Variants in GRID2 observed in about 807,000 individuals in gnomAD.
The protein encoded by GRID2 is glutamate ionotropic receptor delta type subunit 2, also known as glutamate receptor ionotropic, delta-2.
Under a neutral mutation model 114.8 loss-of-function variants are expected in GRID2, and 33 were observed. The ratio of observed to expected loss-of-function variants is 0.29; its 90% confidence interval spans 0.22 to 0.38. The LOEUF is 0.38. Among genes scored for constraint, GRID2 ranks in the 10% least tolerant of loss-of-function variants. GRID2 has a pLI of 1.00. For synonymous variants in GRID2, 505 were observed against 449.9 expected (o/e 1.12, Z -1.55); for missense variants, 1,184 against 1,257.7 (o/e 0.94, Z 0.89).
intron 14 of GRID2, among the ~76,000 whole-genome samples, chr4:93,738,684 A>T (rs1386049320): frequency 6.6e-6 from 1 of 152,120 alleles, no homozygotes; most frequent in Non-Finnish European, 1.5e-5. Context: ...ACACTTGGAG[A>T]AGGAGAGCAA....
chr4:92,894,845 T>C (rs1027610581), intron 2 of GRID2, among the ~76,000 whole-genome samples: 5 of 152,068 alleles, frequency 3.3e-5, no homozygotes, highest in Non-Finnish European at 5.9e-5. Context: ...CTTCTTCCAC[T>C]ATTAATCCTT....
At chr4:92,903,646 A>G (rs902898324) in intron 2 of GRID2, among the ~76,000 whole-genome samples, 1 of 151,928 alleles carries the variant, frequency 6.6e-6, no homozygotes, top group African/African-American at 2.4e-5. Context: ...TTTTAATGGG[A>G]ATAATTTATT....
At chr4:92,351,256 T>C (rs1180017235) in intron 1 of GRID2, among the ~76,000 whole-genome samples, 2 of 151,890 alleles carry the variant, frequency 1.3e-5, no homozygotes, top group Non-Finnish European at 2.9e-5. Flanking sequence ...TGCCAAACTC[T>C]TTTCCAAAAC....
chr4:92,617,733 T>G (rs1730071124), intron 2 of GRID2, among the ~76,000 whole-genome samples: 1 of 151,812 alleles, frequency 6.6e-6, no homozygotes. Flanking sequence ...CATTATGGTT[T>G]TCATTTTAAT....
chr4:92,955,324 G>C (rs1752321805), intron 2 of GRID2, among the ~76,000 whole-genome samples: 1 of 151,926 alleles, frequency 6.6e-6, no homozygotes, highest in Non-Finnish European at 1.5e-5. Flanking sequence ...GGTGGGAGAT[G>C]GTATCTCATT....
chr4:92,991,003 G>C (rs1360622256), intron 2 of GRID2, among the ~76,000 whole-genome samples: 1 of 152,124 alleles, frequency 6.6e-6, no homozygotes, highest in African/African-American at 2.4e-5. Context: ...TAGCCATCTT[G>C]AATGTCAGCT....
intron 1 of GRID2, among the ~76,000 whole-genome samples, chr4:92,451,348 A>G (rs1194955713): frequency 6.6e-6 from 1 of 152,192 alleles, no homozygotes; most frequent in African/African-American, 2.4e-5. Context: ...CGCTCAATTT[A>G]GAAAGGATTC....
chr4:92,807,976 G>A (rs549348275), intron 2 of GRID2, among the ~76,000 whole-genome samples: 104 of 151,996 alleles, frequency 6.8e-4, no homozygotes, highest in African/African-American at 2.2e-3. Context: ...AGGACTTTAC[G>A]GATATAATTA....
intron 2 of GRID2, among the ~76,000 whole-genome samples, chr4:92,679,634 T>A (rs1733549131): frequency 6.6e-6 from 1 of 152,120 alleles, no homozygotes; most frequent in South Asian, 2.1e-4. Context: ...CTTTCACAAC[T>A]GAACAGGTTC....
intron 2 of GRID2, among the ~76,000 whole-genome samples, chr4:92,862,239 C>T (rs1157895134): frequency 6.6e-6 from 1 of 151,960 alleles, no homozygotes; most frequent in East Asian, 1.9e-4. Flanking sequence ...TTTCATAGTA[C>T]ATTTACCTCA....
intron 2 of GRID2, among the ~76,000 whole-genome samples, chr4:92,724,515 A>T (rs547202429): frequency 2.0e-5 from 3 of 152,306 alleles, no homozygotes; most frequent in African/African-American, 4.8e-5. Context: ...GCACATGGGG[A>T]CTAGATTTAT....
At chr4:93,516,976 C>T (rs1024615168) in intron 13 of GRID2, among the ~76,000 whole-genome samples, 1 of 152,028 alleles carries the variant, frequency 6.6e-6, no homozygotes, top group Non-Finnish European at 1.5e-5. Context: ...TTTTCTCCCA[C>T]CAGCCTGGTG....
intron 1 of GRID2, among the ~76,000 whole-genome samples, chr4:92,494,558 TTCACAAA>T (rs1221008923): frequency 6.6e-6 from 1 of 152,052 alleles, no homozygotes; most frequent in East Asian, 1.9e-4. Flanking sequence ...CTCATTTATA[TTCACAAA>T]TCTGTAAAAG....
intron 1 of GRID2, among the ~76,000 whole-genome samples, chr4:92,572,740 A>T (rs1727691807): frequency 6.6e-6 from 1 of 151,978 alleles, no homozygotes; most frequent in Non-Finnish European, 1.5e-5. Flanking sequence ...TTTGTTGAGT[A>T]TTTTCACATA....
At chr4:93,284,568 A>G (rs1433675) in intron 8 of GRID2, among the ~76,000 whole-genome samples, 93,433 of 151,330 alleles carry the variant, frequency 0.62, 29,185 homozygotes, top group Middle Eastern at 0.78. Context: ...ACATTTTTCA[A>G]TTATGTGACT....
At chr4:92,633,634 C>G (rs1730919689) in intron 2 of GRID2, among the ~76,000 whole-genome samples, 1 of 152,064 alleles carries the variant, frequency 6.6e-6, no homozygotes, top group African/African-American at 2.4e-5. Context: ...CTGATTATCT[C>G]AGGTTTGAGG....
At chr4:92,913,869 T>A (rs2149493586) in intron 2 of GRID2, among the ~76,000 whole-genome samples, 1 of 152,148 alleles carries the variant, frequency 6.6e-6, no homozygotes, top group South Asian at 2.1e-4. Flanking sequence ...TCACAAAAAA[T>A]GACTACTATT....
chr4:92,909,114 TATC>T (rs1214403181), intron 2 of GRID2, among the ~76,000 whole-genome samples: 1 of 152,170 alleles, frequency 6.6e-6, no homozygotes, highest in Non-Finnish European at 1.5e-5. Flanking sequence ...TGATATACCT[TATC>T]ATATCTTTAA....
At chr4:93,208,478 C>T (rs1372308726) in intron 5 of GRID2, among the ~76,000 whole-genome samples, 1 of 151,976 alleles carries the variant, frequency 6.6e-6, no homozygotes, top group Non-Finnish European at 1.5e-5. Context: ...CGATAATGAT[C>T]ATATCACGTT....
Sources: gnomAD v4.1 joint callset for allele counts (sites outside exome capture counted in the v4.1 genomes callset) on GRCh38, gnomAD v4.1.1 for gene constraint, MANE v1.5 for transcripts, NCBI Gene and HGNC (gene_info 2026-07-23, HGNC 2026-07-21) for gene names.